Variants in GOLM2 observed in about 807,000 individuals in gnomAD.
GOLM2 encodes the protein golgi membrane protein 2.
GOLM2 carries 26 observed loss-of-function variants against 55.9 expected under a neutral mutation model. The ratio of observed to expected loss-of-function variants is 0.47; its 90% confidence interval spans 0.34 to 0.65. The LOEUF is 0.65. Ranked by LOEUF, GOLM2 falls within the 30% of genes least tolerant of loss-of-function variation. GOLM2 has a pLI of 0.01. For missense variants in GOLM2, 486 were observed against 531.8 expected (o/e 0.91, Z 0.85); for synonymous variants, 165 against 194.6 (o/e 0.85, Z 1.27).
At chr15:44,317,584 C>G (rs2078919678) in intron 1 of GOLM2, among the ~76,000 whole-genome samples, 1 of 151,992 alleles carries the variant, frequency 6.6e-6, no homozygotes. Context: ...TTGTTGGTGT[C>G]AGGTTTTTTT....
chr15:44,391,342 G>C (rs551447293), intron 8 of GOLM2, among the ~76,000 whole-genome samples: 21 of 151,672 alleles, frequency 1.4e-4, no homozygotes, highest in Admixed American at 3.9e-4. Context: ...GTGAAGCCCC[G>C]TCTCTACTAA....
intron 8 of GOLM2, among the ~76,000 whole-genome samples, chr15:44,396,302 G>T (rs1396116961): frequency 6.6e-6 from 1 of 152,020 alleles, no homozygotes; most frequent in Non-Finnish European, 1.5e-5. Flanking sequence ...AGGTTGTGGT[G>T]AGCCGAGATT....
At chr15:44,384,161 A>C (rs186505659) in intron 8 of GOLM2, among the ~76,000 whole-genome samples, 170 of 152,242 alleles carry the variant, frequency 1.1e-3, no homozygotes, top group Non-Finnish European at 1.6e-3. Flanking sequence ...CATTTAGTGC[A>C]TTCACAAAGT....
chr15:44,337,754 G>T lies in GOLM2; in HGVS notation c.577-9G>T. On this transcript the variant is annotated splice_polypyrimidine_tract_variant and intron_variant, in intron 4 of 9. Coordinates refer to ENST00000299957, the MANE Select transcript of GOLM2 (RefSeq NM_138423.4). ...CTGAAAAATATTATTACCAAATTTT[G>T]TCTAACAGCAAGAGACCCAAAAGAT... 6.4e-7 allele frequency: 1 copy of T among 1,554,484 alleles called. No homozygotes were observed. Among genetic ancestry groups the T allele is most frequent in the Non-Finnish European group, 8.6e-7 (1 of 1,160,152 alleles).
intron 8 of GOLM2, among the ~76,000 whole-genome samples, chr15:44,398,110 G>A (rs2079539618): frequency 1.3e-5 from 2 of 152,156 alleles, no homozygotes; most frequent in Non-Finnish European, 2.9e-5. Context: ...TTGACTACTG[G>A]TTATTGCCTC....
chr15:44,292,403 AG>A (rs1033573798), intron 1 of GOLM2, among the ~76,000 whole-genome samples: 27 of 151,938 alleles, frequency 1.8e-4, no homozygotes, highest in Non-Finnish European at 2.5e-4. Flanking sequence ...TCACCATGTT[AG>A]CCAAGATGGT....
intron 6 of GOLM2, chr15:44,355,785 C>G (rs1323228537): frequency 6.5e-6 from 1 of 154,694 alleles, no homozygotes; most frequent in East Asian, 1.9e-4. Context: ...CGTCCCCCAC[C>G]ACACCAAGAA....
At position 44,293,557 on chromosome 15, in the gene GOLM2, G is replaced by C. The variant is rs188911525; in HGVS notation, c.327+4201G>C. 1.3e-5 allele frequency among the ~76,000 whole-genome samples: 2 copies of C among 152,108 alleles called. 1 individual carries two copies. Among genetic ancestry groups the C allele is most frequent in the Admixed American group, 1.3e-4 (2 of 15,274 alleles). ...TGACAATTTTAAGGATTACTGATTA[G>C]GTGTTTTATATAGAATGTCCCTCAA... On this transcript the variant is annotated intron_variant, in intron 1 of 9. Transcript: ENST00000299957.
Position 44,310,438 on chromosome 15 carries a change from T to TTC in GOLM2, c.328-12511_328-12510dup, listed in dbSNP as rs778563022. ...TGGGCAACATAGTGAGAGTCTCTCTTTCTCTCTCTCTCTCTCTATATATAT... is the reference window on the plus strand; with the variant it reads ...TGGGCAACATAGTGAGAGTCTCTCTTTCTCTCTCTCTCTCTCTCTATATATAT... On this transcript the variant is annotated intron_variant, in intron 1 of 9. Transcript: ENST00000299957. Among the ~76,000 whole-genome samples the TTC allele has an allele frequency of 2.4e-3, 323 of 136,550 alleles. 3 individuals carry two copies. Among genetic ancestry groups the TTC allele is most frequent in the African/African-American group, 6.6e-3 (236 of 35,514 alleles). 89.6% of individuals were successfully genotyped at this position (136,550 alleles called of 152,430 possible).
At chr15:44,393,150 T>C (rs1280739278) in intron 8 of GOLM2, among the ~76,000 whole-genome samples, 1 of 152,174 alleles carries the variant, frequency 6.6e-6, no homozygotes, top group Admixed American at 6.5e-5. Context: ...AAACAATTTA[T>C]AAACAAATGT....
Position 44,410,903 on chromosome 15 carries a change from C to CAA in GOLM2, c.1241-2414_1241-2413dup, listed in dbSNP as rs35934853. Among the ~76,000 whole-genome samples the CAA allele has an allele frequency of 7.8e-3, 438 of 56,288 alleles. 8 individuals carry two copies. Among genetic ancestry groups the CAA allele is most frequent in the South Asian group, 0.022 (35 of 1,568 alleles). The allele number at this position is 56,288 out of a possible 152,430, so 36.9% of individuals were successfully genotyped here. On this transcript the variant is annotated intron_variant, in intron 9 of 9. Transcript: ENST00000299957. ...GAGTGATGGGACTGAGACCCTGTAT[C>CAA]AAAAAAAAAAAAAAAAAAAAGGTGC... is the stretch of plus-strand genomic sequence containing the variant.
At chr15:44,389,735 G>T (rs1463937864) in intron 8 of GOLM2, among the ~76,000 whole-genome samples, 1 of 152,154 alleles carries the variant, frequency 6.6e-6, no homozygotes, top group Non-Finnish European at 1.5e-5. Context: ...AGGTTGTACT[G>T]CATTAGCACG....
rs141412533 is a variant in GOLM2, at chr15:44,297,117, T to C, written c.327+7761T>C. ...TTGGTGTTGTCTTTGATTCCTTCAG[T>C]GTATCATATTGAGTGCTTCAACATG... On this transcript the variant is annotated intron_variant, in intron 1 of 9. Coordinates refer to ENST00000299957, the MANE Select transcript of GOLM2 (RefSeq NM_138423.4). Among the ~76,000 whole-genome samples the C allele has an allele frequency of 6.6e-5, 10 of 152,354 alleles. No homozygotes were observed. In the East Asian group the frequency reaches 1.9e-3, roughly 29 times the overall value.
intron 1 of GOLM2, among the ~76,000 whole-genome samples, chr15:44,310,327 C>G (rs186915440): frequency 6.6e-6 from 1 of 151,914 alleles, no homozygotes; most frequent in East Asian, 1.9e-4. Context: ...TGAAAGGGTA[C>G]TCACAAGAGA....
chr15:44,409,060 G>A (rs563579471), intron 9 of GOLM2, among the ~76,000 whole-genome samples: 4 of 151,994 alleles, frequency 2.6e-5, no homozygotes, highest in Admixed American at 2.0e-4. Flanking sequence ...GCTGGATCAC[G>A]AGGTCAGGAG....
chr15:44,406,102 A>G (rs570721089), intron 9 of GOLM2, among the ~76,000 whole-genome samples: 2 of 152,182 alleles, frequency 1.3e-5, no homozygotes, highest in Non-Finnish European at 2.9e-5. Flanking sequence ...AACATAGAGT[A>G]GAAAAAAACA....
rs1595673587 is a variant in GOLM2 at position 44,413,661 on chromosome 15, A to C, written c.*255A>C. 2.7e-6 allele frequency: 1 copy of C among 374,214 alleles called. No individual in the cohort carries two copies. The highest frequency in any genetic ancestry group is 4.8e-6 in the Non-Finnish European group (1 of 206,302). The allele number at this position is 374,214 out of a possible 1,614,324, so 23.2% of individuals were successfully genotyped here. On this transcript the variant is annotated 3_prime_UTR_variant, in exon 10 of 10. Coordinates refer to ENST00000299957, the MANE Select transcript of GOLM2 (RefSeq NM_138423.4). ...ACAGCTAATCTTTGCATCTAAAGCA[A>C]ACTAATGTATATTTCACATTTTATT... is the stretch of plus-strand genomic sequence containing the variant.
chr15:44,295,661 T>C (rs2078751260), intron 1 of GOLM2, among the ~76,000 whole-genome samples: 1 of 152,208 alleles, frequency 6.6e-6, no homozygotes, highest in African/African-American at 2.4e-5. Flanking sequence ...TGAACTTCTC[T>C]CCTTGGCTTG....
chr15:44,402,758 GTATCCTTTTA>G, intron 8 of GOLM2, 119 bp from the exon 9 acceptor site: 1 of 705,388 alleles, frequency 1.4e-6, no homozygotes, highest in Non-Finnish European at 2.3e-6. Context: ...TTCACAAAAT[GTATCCTTTTA>G]TATCCAGTAC....
Sources: gnomAD v4.1 joint callset for allele counts (sites outside exome capture counted in the v4.1 genomes callset) on GRCh38, gnomAD v4.1.1 for gene constraint, MANE v1.5 for transcripts, NCBI Gene and HGNC (gene_info 2026-07-23, HGNC 2026-07-21) for gene names.